STXBP4: variants seen among roughly 807,000 people sequenced by gnomAD.
The protein encoded by STXBP4 is syntaxin-binding protein 4.
Under a neutral mutation model 76.1 loss-of-function variants are expected in STXBP4, and 55 were observed. The observed-to-expected ratio is 0.72, with a 90% CI of 0.58 to 0.91. STXBP4 has a LOEUF of 0.91. STXBP4 is among the 40% of genes least tolerant of loss of function. The probability of loss-of-function intolerance (pLI) is 0.00; values close to 1 mark genes in which losing one functional copy is unlikely to be tolerated. For missense variants in STXBP4, 618 were observed against 636.9 expected (o/e 0.97, Z 0.32); for synonymous variants, 201 against 220.2 (o/e 0.91, Z 0.77).
At chr17:55,159,041 T>C (rs1377029489) in intron 17 of STXBP4, among the ~76,000 whole-genome samples, 1 of 152,172 alleles carries the variant, frequency 6.6e-6, no homozygotes, top group East Asian at 1.9e-4. Context: ...GCCCAAGAGT[T>C]CCAGACCAGC....
the STXBP4 span, among the ~76,000 whole-genome samples, chr17:55,209,253 A>G: frequency 1.3e-5 from 2 of 152,300 alleles, no homozygotes; most frequent in East Asian, 1.9e-4. Flanking sequence ...GAGGCATCCA[A>G]GAGAAAATGC....
At chr17:55,133,019 T>C (rs747758784) in intron 16 of STXBP4, among the ~76,000 whole-genome samples, 2 of 151,672 alleles carry the variant, frequency 1.3e-5, no homozygotes, top group Admixed American at 6.6e-5. Flanking sequence ...AAGTTGGAGA[T>C]GGGGGAGCCA....
At chr17:55,142,636 GA>G (rs144562722) in intron 17 of STXBP4, among the ~76,000 whole-genome samples, 5,733 of 151,570 alleles carry the variant, frequency 0.038, 391 homozygotes, top group African/African-American at 0.13. Flanking sequence ...TCGTGGAGGG[GA>G]AAAAAAACCT....
chr17:54,975,460 T>G (rs1028591898), intron 1 of STXBP4, among the ~76,000 whole-genome samples: 60 of 151,680 alleles, frequency 4.0e-4, no homozygotes, highest in African/African-American at 1.4e-3. Context: ...ATATCTCAAA[T>G]GCACTGACAG....
At chr17:55,207,345 C>T in the STXBP4 span, among the ~76,000 whole-genome samples, 3 of 152,126 alleles carry the variant, frequency 2.0e-5, no homozygotes, top group Non-Finnish European at 4.4e-5. Context: ...CCCCATATAA[C>T]CCTCCAGTCT....
the STXBP4 span, among the ~76,000 whole-genome samples, chr17:55,200,018 T>C: frequency 4.6e-3 from 698 of 152,362 alleles, 2 homozygotes; most frequent in African/African-American, 0.015. Flanking sequence ...TAGCCCCACC[T>C]TCCCTCCTGT....
At chr17:55,201,127 T>G in the STXBP4 span, among the ~76,000 whole-genome samples, 1 of 152,204 alleles carries the variant, frequency 6.6e-6, no homozygotes, top group African/African-American at 2.4e-5. Context: ...AGCTCCACTG[T>G]TAACTCTGCA....
intron 9 of STXBP4, 115 bp from the exon 10 acceptor site, chr17:55,034,053 A>G: frequency 1.5e-6 from 1 of 679,136 alleles, no homozygotes; most frequent in Non-Finnish European, 2.5e-6. Context: ...AGTCAATACT[A>G]TTTTAAGATA....
intron 10 of STXBP4, among the ~76,000 whole-genome samples, chr17:55,040,192 A>G (rs935547663): frequency 6.6e-6 from 1 of 152,194 alleles, no homozygotes; most frequent in Non-Finnish European, 1.5e-5. Context: ...AATGTTATAT[A>G]TAACAAAGAA....
At chr17:55,106,140 CT>C (rs2079631922) in intron 16 of STXBP4, among the ~76,000 whole-genome samples, 1 of 152,120 alleles carries the variant, frequency 6.6e-6, no homozygotes, top group African/African-American at 2.4e-5. Context: ...CTGGGTGCTC[CT>C]GTATTGGGTG....
chr17:55,154,671 T>A (rs963721609), intron 17 of STXBP4, among the ~76,000 whole-genome samples: 6 of 152,120 alleles, frequency 3.9e-5, no homozygotes, highest in African/African-American at 1.2e-4. Context: ...GTTTTAGCTC[T>A]ATATAGCAAT....
intron 8 of STXBP4, 90 bp from the exon 9 acceptor site, chr17:55,031,077 AT>A (rs2078500411): frequency 2.1e-6 from 2 of 963,198 alleles, no homozygotes; most frequent in African/African-American, 3.3e-5. Flanking sequence ...TCTGGTATTG[AT>A]TATTTTCCCT....
At chr17:55,131,675 A>AT (rs1013555284) in intron 16 of STXBP4, among the ~76,000 whole-genome samples, 1 of 152,094 alleles carries the variant, frequency 6.6e-6, no homozygotes, top group Non-Finnish European at 1.5e-5. Context: ...GAGAAGGTGC[A>AT]TTTTTTTCCC....
At position 55,111,393 on chromosome 17, in the gene STXBP4, C is replaced by T. The variant is rs558071844; in HGVS notation, c.1490-29917C>T. On this transcript the variant is annotated intron_variant, in intron 16 of 17. Coordinates refer to ENST00000376352, the MANE Select transcript of STXBP4 (RefSeq NM_178509.6). ...TTAAACATGTCAAACTACCTCAAGA[C>T]CTTTGCATTTGATATTTGATATAGT... Among the ~76,000 whole-genome samples, 3 of 152,268 alleles carry T rather than the reference C, an allele frequency of 2.0e-5. No individual in the cohort carries two copies. The South Asian group carries it at 6.2e-4, about 32-fold the overall frequency.
chr17:55,144,773 G>T (rs1248942523), intron 17 of STXBP4, among the ~76,000 whole-genome samples: 3 of 152,202 alleles, frequency 2.0e-5, no homozygotes, highest in African/African-American at 7.2e-5. Context: ...TGGTATCAGG[G>T]AAAGAAGAGC....
rs1241080346 is a variant in STXBP4, at chr17:55,078,700, AT to A, written c.1324del (p.Ser442LeufsTer10). ...TTTGTTGCTAGGCTATTCAAGAAGT[AT>A]TTTCTGATAATTCTACTCCTTTATC... ...LHFVEAIQEV[F>X]SDNSTPLSNL... On this transcript the variant is annotated frameshift_variant, in exon 15 of 18. Coordinates refer to ENST00000376352, the MANE Select transcript of STXBP4 (RefSeq NM_178509.6). LOFTEE classifies it high-confidence loss of function. The A allele has an allele frequency of 4.5e-6, 7 of 1,568,096 alleles. No homozygotes were observed. Among genetic ancestry groups the A allele is most frequent in the Non-Finnish European group, 6.1e-6 (7 of 1,140,050 alleles).
chr17:55,011,508 CTT>C (rs3080154), intron 8 of STXBP4, among the ~76,000 whole-genome samples: 7 of 85,906 alleles, frequency 8.1e-5, no homozygotes, highest in South Asian at 4.6e-4. Context: ...TTTTCTTTTT[CTT>C]TTTTTTTTTT....
chr17:55,077,943 A>G, intron 13 of STXBP4, 135 bp from the exon 14 acceptor site: 1 of 527,650 alleles, frequency 1.9e-6, no homozygotes, highest in South Asian at 4.1e-5. Flanking sequence ...TGCCCCCCAA[A>G]ATCAAAACAT....
downstream of STXBP4, among the ~76,000 whole-genome samples, chr17:55,173,915 G>A (rs1202326378): frequency 3.3e-5 from 5 of 152,148 alleles, no homozygotes; most frequent in Admixed American, 1.3e-4. Flanking sequence ...CTTGCCTTTT[G>A]ACCCCCTTTA....
Sources: allele counts gnomAD v4.1 joint callset (sites outside exome capture counted in the v4.1 genomes callset), GRCh38; gene constraint gnomAD v4.1.1; transcripts MANE v1.5; gene names NCBI Gene and HGNC (gene_info 2026-07-23, HGNC 2026-07-21).